Variants in GRIA3 observed in about 807,000 individuals in gnomAD.
The protein encoded by GRIA3 is glutamate ionotropic receptor AMPA type subunit 3, also known as glutamate receptor 3.
Under a neutral mutation model 63.0 loss-of-function variants are expected in GRIA3, and 3 were observed. The ratio of observed to expected loss-of-function variants is 0.05; its 90% confidence interval spans 0.02 to 0.12. The LOEUF is 0.12. Ranked by LOEUF, GRIA3 falls within the 10% of genes least tolerant of loss-of-function variation. GRIA3 has a pLI of 1.00. For synonymous variants in GRIA3, 274 were observed against 257.9 expected (o/e 1.06, Z -0.60); for missense variants, 347 against 700.9 (o/e 0.50, Z 5.70).
intron 3 of GRIA3, among the ~76,000 whole-genome samples, chrX:123,313,024 A>T (rs1360679042): frequency 9.1e-6 from 1 of 110,093 alleles, no homozygotes; most frequent in Non-Finnish European, 1.9e-5. Flanking sequence ...AAACAGCCTG[A>T]CTTCTCTGCA....
At chrX:123,474,143 A>G (rs368265573) in intron 13 of GRIA3, among the ~76,000 whole-genome samples, 7 of 111,480 alleles carry the variant, frequency 6.3e-5, no homozygotes, top group African/African-American at 2.3e-4. Context: ...CAGGATCACC[A>G]GATTATTTCA....
At chrX:123,332,118 G>C in intron 4 of GRIA3, among the ~76,000 whole-genome samples, 1 of 111,051 alleles carries the variant, frequency 9.0e-6, no homozygotes, top group Non-Finnish European at 1.9e-5. Flanking sequence ...TGAGAGTTGG[G>C]CTATGCTCAG....
At chrX:123,207,545 C>T (rs772767206) in intron 2 of GRIA3, among the ~76,000 whole-genome samples, 1 of 111,951 alleles carries the variant, frequency 8.9e-6, no homozygotes, top group African/African-American at 3.2e-5. Flanking sequence ...CCACGAAATC[C>T]AGCCTACTTG....
intron 2 of GRIA3, among the ~76,000 whole-genome samples, chrX:123,249,560 C>T (rs1161630270): frequency 9.0e-6 from 1 of 111,572 alleles, no homozygotes; most frequent in African/African-American, 3.3e-5. Flanking sequence ...CCTTCGCAGG[C>T]CTTCTACTGA....
intron 10 of GRIA3, among the ~76,000 whole-genome samples, chrX:123,407,302 T>C (rs1487101340): frequency 2.7e-5 from 3 of 111,495 alleles, no homozygotes; most frequent in Admixed American, 1.9e-4. Flanking sequence ...TGTGAGAAAA[T>C]TGAAGCCTAG....
chrX:123,216,010 G>T (rs1287251987), intron 2 of GRIA3, among the ~76,000 whole-genome samples: 1 of 111,921 alleles, frequency 8.9e-6, no homozygotes, highest in Non-Finnish European at 1.9e-5. Flanking sequence ...CTGCTCTCTA[G>T]GAGGAAAAGC....
At position 123,480,056 on chromosome X, in the gene GRIA3, C is replaced by T. The variant is rs1288469381; in HGVS notation, c.2325-7C>T. 5.6e-6 allele frequency: 6 copies of T among 1,076,297 alleles called. No homozygotes were observed. Among genetic ancestry groups the T allele is most frequent in the Admixed American group, 4.4e-5 (2 of 45,814 alleles). The allele number at this position is 1,076,297 out of a possible 1,213,427, so 88.7% of individuals were successfully genotyped here. On this transcript the variant is annotated splice_polypyrimidine_tract_variant and splice_region_variant and intron_variant, in intron 13 of 15. Coordinates refer to ENST00000620443, the MANE Select transcript of GRIA3 (RefSeq NM_007325.5). ...ATAATGTTATTTATGTTATTTCCCACGTGAAGAACGCCTGTAAACCTTGCA... is the reference window on the plus strand; with the variant it reads ...ATAATGTTATTTATGTTATTTCCCATGTGAAGAACGCCTGTAAACCTTGCA...
intron 2 of GRIA3, among the ~76,000 whole-genome samples, chrX:123,206,289 T>C (rs1177979137): frequency 1.8e-5 from 2 of 112,060 alleles, no homozygotes; most frequent in Non-Finnish European, 3.8e-5. Context: ...GTGCTTTGCC[T>C]TCTCCATCTC....
At chrX:123,291,873 G>A (rs911271045) in intron 3 of GRIA3, among the ~76,000 whole-genome samples, 1 of 111,017 alleles carries the variant, frequency 9.0e-6, no homozygotes, top group African/African-American at 3.3e-5. Context: ...AACGATGCCT[G>A]CCAAAGACCA....
chrX:123,192,234 T>C (rs779158374), intron 2 of GRIA3, among the ~76,000 whole-genome samples: 6 of 111,528 alleles, frequency 5.4e-5, no homozygotes, highest in Non-Finnish European at 1.1e-4. Context: ...CTAAAGTTCA[T>C]AGGTATTTAT....
At chrX:123,407,212 C>G (rs1243220672) in intron 10 of GRIA3, among the ~76,000 whole-genome samples, 2 of 111,395 alleles carry the variant, frequency 1.8e-5, no homozygotes, top group Non-Finnish European at 3.8e-5. Context: ...CTGCCAGATA[C>G]TGTACTAAGT....
At position 123,407,939 on chromosome X, in the gene GRIA3, C is replaced by A. The variant is rs756373366; in HGVS notation, c.1500+3025C>A. Among the ~76,000 whole-genome samples the A allele has an allele frequency of 2.7e-5, 3 of 110,423 alleles. No individual in the cohort carries two copies. In the East Asian group the frequency reaches 8.6e-4, roughly 32 times the overall value. On this transcript the variant is annotated intron_variant, in intron 10 of 15. Coordinates refer to ENST00000620443, the MANE Select transcript of GRIA3 (RefSeq NM_007325.5). ...CAACAGCATGGCAAGAAATTTAAGG[C>A]GTAAGTGTCTTTTTATTTTATTTAT...
At chrX:123,383,201 C>T (rs761625176) in intron 5 of GRIA3, among the ~76,000 whole-genome samples, 1 of 112,038 alleles carries the variant, frequency 8.9e-6, no homozygotes, top group South Asian at 3.7e-4. Context: ...GATATATTGT[C>T]ACATGCATAG....
chrX:123,380,370 T>G (rs1246781437), intron 5 of GRIA3, among the ~76,000 whole-genome samples: 2 of 111,852 alleles, frequency 1.8e-5, no homozygotes, highest in African/African-American at 3.3e-5. Context: ...ATTGTGGTTT[T>G]GATTTGCATT....
At chrX:123,350,065 C>A (rs16997324) in intron 4 of GRIA3, among the ~76,000 whole-genome samples, 8,232 of 110,807 alleles carry the variant, frequency 0.074, 687 homozygotes, top group African/African-American at 0.23. Context: ...TGAAAAATAT[C>A]CCCTCTTTGA....
chrX:123,479,985 T>C, intron 13 of GRIA3, 78 bp from the exon 14 acceptor site: 4 of 724,150 alleles, frequency 5.5e-6, no homozygotes, highest in Non-Finnish European at 4.3e-6. Context: ...TCGCTTTCTA[T>C]AGTTTTAAAG....
chrX:123,439,074 C>T (rs150058757), intron 12 of GRIA3, among the ~76,000 whole-genome samples: 88 of 112,170 alleles, frequency 7.8e-4, no homozygotes, highest in African/African-American at 2.7e-3. Flanking sequence ...GTCTACACCA[C>T]ACATTTATAC....
chrX:123,474,082 T>G (rs774017995), intron 13 of GRIA3, among the ~76,000 whole-genome samples: 37 of 111,746 alleles, frequency 3.3e-4, no homozygotes, highest in Non-Finnish European at 6.4e-4. Flanking sequence ...GTTCTGATAT[T>G]TTTCAGGCCC....
intron 5 of GRIA3, among the ~76,000 whole-genome samples, chrX:123,393,536 T>C (rs2147377758): frequency 8.9e-6 from 1 of 112,038 alleles, no homozygotes; most frequent in African/African-American, 3.2e-5. Context: ...CCTCAAAAAA[T>C]GAAGAAAGAA....
Sources: allele counts gnomAD v4.1 joint callset (sites outside exome capture counted in the v4.1 genomes callset), GRCh38; gene constraint gnomAD v4.1.1; transcripts MANE v1.5; gene names NCBI Gene and HGNC (gene_info 2026-07-23, HGNC 2026-07-21).